The following PTAFR variants were observed in gnomAD, a reference collection of about 807,000 sequenced individuals.
PTAFR encodes platelet-activating factor receptor.
Under a neutral mutation model 14.7 loss-of-function variants are expected in PTAFR, and 8 were observed. The observed-to-expected ratio is 0.54, with a 90% CI of 0.32 to 0.98. PTAFR has a LOEUF of 0.98. Among genes scored for constraint, PTAFR ranks in the 50% least tolerant of loss-of-function variants. The probability of loss-of-function intolerance (pLI) is 0.04; values close to 1 mark genes in which losing one functional copy is unlikely to be tolerated. For missense variants in PTAFR, 337 were observed against 451.2 expected, an observed-to-expected ratio of 0.75 and a Z score of 2.29; for synonymous variants, 156 against 176.5, an observed-to-expected ratio of 0.88 and a Z score of 0.92.
chr1:28,175,932 C>T (rs780381542), intron 1 of PTAFR, among the ~76,000 whole-genome samples: 3 of 152,020 alleles, frequency 2.0e-5, no homozygotes, highest in Non-Finnish European at 4.4e-5. Flanking sequence ...CAAGCTGCCC[C>T]CATCACCACC....
chr1:28,169,005 A>G (rs1444227895), intron 1 of PTAFR, among the ~76,000 whole-genome samples: 2 of 152,100 alleles, frequency 1.3e-5, no homozygotes, highest in Non-Finnish European at 2.9e-5. Flanking sequence ...CAGGATTTAA[A>G]AAAAGAAAAG....
chr1:28,149,571 A>G lies in PTAFR; in HGVS notation c.*422T>C. On this transcript the variant is annotated 3_prime_UTR_variant, in exon 2 of 2. Transcript: ENST00000373857. ...GATGGTCTCGATCTCTTGACCCATG[A>G]TCTGCCCACCTCGGCCTCCCAAAGT... 1 of 175,896 alleles carries G rather than the reference A, an allele frequency of 5.7e-6. No individual in the cohort carries two copies. The highest frequency in any genetic ancestry group is 1.2e-4 in the South Asian group (1 of 8,124). The allele number at this position is 175,896 out of a possible 1,614,324, so 10.9% of individuals were successfully genotyped here. A position where few individuals can be genotyped will look rare whatever the true frequency, so the allele number is the denominator to read the frequency against.
At chr1:28,183,102 A>G (rs1415034645) in intron 1 of PTAFR, among the ~76,000 whole-genome samples, 1 of 152,166 alleles carries the variant, frequency 6.6e-6, no homozygotes. Flanking sequence ...CAGCAGTGAA[A>G]AAGAAAACTG....
At chr1:28,173,763 C>T (rs1042361828) in intron 1 of PTAFR, among the ~76,000 whole-genome samples, 3 of 152,024 alleles carry the variant, frequency 2.0e-5, no homozygotes, top group African/African-American at 7.2e-5. Context: ...GAAGATCTCC[C>T]ACCTACAGAA....
intron 1 of PTAFR, 146 bp from the exon 2 acceptor site, chr1:28,151,205 GT>G: frequency 1.7e-6 from 1 of 586,846 alleles, no homozygotes; most frequent in Non-Finnish European, 2.9e-6. Flanking sequence ...TTCAGATGGA[GT>G]TTCACTCTTG....
At chr1:28,184,088 T>TC (rs1646585468) in intron 1 of PTAFR, among the ~76,000 whole-genome samples, 1 of 127,422 alleles carries the variant, frequency 7.8e-6, no homozygotes, top group South Asian at 2.8e-4. Context: ...GTCTGTTTTT[T>TC]TTTTTTTTTT....
At chr1:28,184,759 C>T (rs1347943021) in intron 1 of PTAFR, among the ~76,000 whole-genome samples, 9 of 152,130 alleles carry the variant, frequency 5.9e-5, no homozygotes, top group Middle Eastern at 3.2e-3. Flanking sequence ...CCTTCCTCAG[C>T]CTCTCAAGTA....
intron 1 of PTAFR, among the ~76,000 whole-genome samples, chr1:28,155,214 T>TTTG (rs761593929): frequency 1.3e-5 from 2 of 152,074 alleles, no homozygotes; most frequent in African/African-American, 4.8e-5. Flanking sequence ...GCTTTCCTTT[T>TTTG]TTGTTGTTGT....
rs753383737 is a variant in PTAFR, at chr1:28,150,762, T to G, written c.260A>C (p.Lys87Thr). The change falls in exon 2 of 2, where the codon AAA (lysine) becomes ACA (threonine). Residue 87 changes from lysine to threonine, a missense_variant. Transcript: ENST00000373857. This position sits in a 1 kb window ranked among gnomAD's most constrained non-coding sequence, Gnocchi z 6.3. ...GCAGCCAGCCACGTTGCACAGGAATTTGGGGAGTATCCAGTTGCCCTGGTT... is the reference window on the plus strand; with the variant it reads ...GCAGCCAGCCACGTTGCACAGGAATGTGGGGAGTATCCAGTTGCCCTGGTT... ...YQNQGNWILP[K>T]FLCNVAGCLF... 1 of 1,614,056 alleles carries G rather than the reference T, an allele frequency of 6.2e-7. No homozygotes were observed. The highest frequency in any genetic ancestry group is 1.7e-5 in the Admixed American group (1 of 60,002).
chr1:28,174,399 A>ATCTC (rs1187729713), intron 1 of PTAFR, among the ~76,000 whole-genome samples: 1 of 152,134 alleles, frequency 6.6e-6, no homozygotes, highest in Admixed American at 6.6e-5. Flanking sequence ...GAAGTGGGGA[A>ATCTC]TCTCTGCTCC....
At chr1:28,162,426 A>T (rs1646334792) in intron 1 of PTAFR, among the ~76,000 whole-genome samples, 1 of 152,190 alleles carries the variant, frequency 6.6e-6, no homozygotes, top group African/African-American at 2.4e-5. Context: ...AGCCCTCTAC[A>T]AACTCAGGAC....
chr1:28,170,604 T>G (rs1441519216), intron 1 of PTAFR, among the ~76,000 whole-genome samples: 2 of 152,084 alleles, frequency 1.3e-5, no homozygotes, highest in African/African-American at 4.8e-5. Flanking sequence ...TCCTAGCTAC[T>G]ATGGAGGCTG....
At position 28,150,155 on chromosome 1, in the gene PTAFR, G is replaced by A. The variant is rs1157736626; in HGVS notation, c.867C>T (p.Asp289=). The A allele has an allele frequency of 1.2e-6, 2 of 1,614,064 alleles. No individual in the cohort carries two copies. Among genetic ancestry groups the A allele is most frequent in the East Asian group, 2.2e-5 (1 of 44,906 alleles). ...LCLLSTNCVL[D]PVIYCFLTKK... The stretch of plus-strand genomic sequence containing the variant: ...TGGTGAGGAAACAGTAGATAACAGG[G>A]TCTAAGACACAGTTGGTGCTAAGGA... Residue 289 remains aspartate, a synonymous_variant, in exon 2 of 2, where the codon GAC becomes GAT. Transcript: ENST00000373857. The surrounding 1 kb of genome is among the most constrained non-coding windows in gnomAD (Gnocchi z 6.3).
At chr1:28,177,784 C>T (rs993056243), upstream of PTAFR, among the ~76,000 whole-genome samples, 5 of 151,256 alleles carry the variant, frequency 3.3e-5, no homozygotes, top group Admixed American at 6.6e-5. Flanking sequence ...CGTATGAGTT[C>T]ATGGGAGCAT....
At chr1:28,168,035 T>A (rs1455128998) in intron 1 of PTAFR, among the ~76,000 whole-genome samples, 2 of 137,136 alleles carry the variant, frequency 1.5e-5, no homozygotes, top group African/African-American at 5.5e-5. Context: ...CTCGGCTCGC[T>A]GCAAGCTCCG....
At chr1:28,177,594 G>C (rs1646528527), upstream of PTAFR, among the ~76,000 whole-genome samples, 1 of 152,202 alleles carries the variant, frequency 6.6e-6, no homozygotes, top group Non-Finnish European at 1.5e-5. Flanking sequence ...TTTCTGGAGA[G>C]AACTGGCTCC....
At chr1:28,173,826 GTC>G (rs1220995636) in intron 1 of PTAFR, among the ~76,000 whole-genome samples, 2 of 151,946 alleles carry the variant, frequency 1.3e-5, no homozygotes, top group East Asian at 1.9e-4. Flanking sequence ...TGCATATTCT[GTC>G]TCTCTCTCAC....
At chr1:28,169,002 T>TA (rs1557692453) in intron 1 of PTAFR, among the ~76,000 whole-genome samples, 2 of 151,852 alleles carry the variant, frequency 1.3e-5, no homozygotes, top group African/African-American at 2.4e-5. Context: ...TCGCAGGATT[T>TA]AAAAAAAGAA....
intron 1 of PTAFR, among the ~76,000 whole-genome samples, chr1:28,188,663 A>G (rs1332996140): frequency 6.6e-6 from 1 of 151,900 alleles, no homozygotes; most frequent in East Asian, 1.9e-4. Flanking sequence ...TGAATCCTAG[A>G]GGTGGAGGAA....
Sources: gnomAD v4.1 joint callset for allele counts (sites outside exome capture counted in the v4.1 genomes callset) on GRCh38, gnomAD v4.1.1 for gene constraint, Gnocchi (gnomAD v3.1) non-coding constraint, MANE v1.5 for transcripts, NCBI Gene and HGNC (gene_info 2026-07-23, HGNC 2026-07-21) for gene names.